The following RPS6KC1 variants were observed in gnomAD, a reference collection of about 807,000 sequenced individuals.
RPS6KC1 encodes inactive ribosomal protein S6 kinase delta-1.
A neutral mutation model predicts 103.8 loss-of-function variants in RPS6KC1; 54 were observed. That is an observed-to-expected ratio of 0.52 (90% CI 0.42 to 0.65). RPS6KC1 has a LOEUF of 0.65. Ranked by LOEUF, RPS6KC1 falls within the 30% of genes least tolerant of loss-of-function variation. RPS6KC1 has a pLI of 0.00. For missense variants in RPS6KC1, 1,151 were observed against 1,253.8 expected (o/e 0.92, Z 1.24); for synonymous variants, 439 against 438.7 (o/e 1.00, Z -0.01).
intron 3 of RPS6KC1, among the ~76,000 whole-genome samples, chr1:213,093,494 G>A (rs2081176239): frequency 6.6e-6 from 1 of 152,152 alleles, no homozygotes; most frequent in African/African-American, 2.4e-5. Flanking sequence ...ACAAGTGTGA[G>A]CCACTGCACC....
chr1:213,661,617 C>G, the RPS6KC1 span, among the ~76,000 whole-genome samples: 1 of 152,150 alleles, frequency 6.6e-6, no homozygotes, highest in Non-Finnish European at 1.5e-5. Context: ...CACACGATAA[C>G]TCAAGTACAT....
the RPS6KC1 span, among the ~76,000 whole-genome samples, chr1:213,780,272 C>T: frequency 4.6e-5 from 7 of 152,282 alleles, no homozygotes; most frequent in South Asian, 1.2e-3. Context: ...CACAAGTTCA[C>T]GGGTGAACAA....
the RPS6KC1 span, among the ~76,000 whole-genome samples, chr1:213,288,599 C>T: frequency 6.6e-6 from 1 of 152,176 alleles, no homozygotes; most frequent in Non-Finnish European, 1.5e-5. Context: ...TCAGAGAAAG[C>T]CATAAAGTAA....
At chr1:213,756,418 AC>A in the RPS6KC1 span, among the ~76,000 whole-genome samples, 1 of 152,078 alleles carries the variant, frequency 6.6e-6, no homozygotes, top group Non-Finnish European at 1.5e-5. Context: ...GTACAGGCAT[AC>A]CTTGTTTTAT....
chr1:213,834,066 C>T, the RPS6KC1 span, among the ~76,000 whole-genome samples: 1 of 152,080 alleles, frequency 6.6e-6, no homozygotes, highest in South Asian at 2.1e-4. Context: ...AATGAGGTCT[C>T]ATTCTATTAT....
chr1:213,434,319 T>A, the RPS6KC1 span, among the ~76,000 whole-genome samples: 1 of 152,174 alleles, frequency 6.6e-6, no homozygotes, highest in Non-Finnish European at 1.5e-5. Context: ...AAAGATATTC[T>A]TGTTGGGTAT....
the RPS6KC1 span, among the ~76,000 whole-genome samples, chr1:213,409,725 T>C: frequency 1.3e-5 from 2 of 152,224 alleles, no homozygotes; most frequent in Admixed American, 1.3e-4. Context: ...GTTTAGTGCA[T>C]GCTCTGTGTA....
the RPS6KC1 span, among the ~76,000 whole-genome samples, chr1:213,435,458 A>G: frequency 6.6e-6 from 1 of 152,196 alleles, no homozygotes; most frequent in African/African-American, 2.4e-5. Context: ...AGATATTTTT[A>G]TATTCCTGTA....
intron 3 of RPS6KC1, among the ~76,000 whole-genome samples, chr1:213,102,610 C>T (rs2082113686): frequency 6.6e-6 from 1 of 152,050 alleles, no homozygotes; most frequent in South Asian, 2.1e-4. Context: ...GTCATGTACC[C>T]ATTTGAATAA....
chr1:213,628,809 C>T, the RPS6KC1 span, among the ~76,000 whole-genome samples: 364 of 152,212 alleles, frequency 2.4e-3, 2 homozygotes, highest in African/African-American at 8.3e-3. Flanking sequence ...TTTCAAAGAA[C>T]GTCTTTATAT....
At chr1:213,432,983 A>G in the RPS6KC1 span, among the ~76,000 whole-genome samples, 5 of 152,234 alleles carry the variant, frequency 3.3e-5, no homozygotes, top group African/African-American at 1.2e-4. Flanking sequence ...ACAAATTATC[A>G]CAAATCTAGT....
chr1:213,505,859 C>T, the RPS6KC1 span, among the ~76,000 whole-genome samples: 1 of 152,048 alleles, frequency 6.6e-6, no homozygotes, highest in Non-Finnish European at 1.5e-5. Flanking sequence ...TTCATGGCTT[C>T]TCTCTTTATG....
the RPS6KC1 span, among the ~76,000 whole-genome samples, chr1:213,387,433 G>A: frequency 9.9e-5 from 15 of 152,152 alleles, no homozygotes; most frequent in African/African-American, 3.6e-4. Flanking sequence ...ACCTGTGCAG[G>A]CTTCCTGGGG....
At chr1:213,496,763 A>C in the RPS6KC1 span, among the ~76,000 whole-genome samples, 1 of 151,990 alleles carries the variant, frequency 6.6e-6, no homozygotes, top group Admixed American at 6.6e-5. Context: ...GTCTCGGGGG[A>C]AAAAAAGAAA....
chr1:213,379,609 A>G, the RPS6KC1 span, among the ~76,000 whole-genome samples: 1 of 152,174 alleles, frequency 6.6e-6, no homozygotes, highest in East Asian at 1.9e-4. Flanking sequence ...AGTTTGTGGT[A>G]CTTTGTTATG....
intron 6 of RPS6KC1, among the ~76,000 whole-genome samples, chr1:213,158,685 T>G (rs1317339562): frequency 6.6e-6 from 1 of 152,214 alleles, no homozygotes; most frequent in Non-Finnish European, 1.5e-5. Flanking sequence ...TTTAAACTTT[T>G]TTTGAAAACA....
At chr1:213,099,357 C>T (rs2081796777) in intron 3 of RPS6KC1, among the ~76,000 whole-genome samples, 1 of 152,070 alleles carries the variant, frequency 6.6e-6, no homozygotes, top group African/African-American at 2.4e-5. Context: ...AAGATGTGGA[C>T]AGTGACATTT....
intron 8 of RPS6KC1, among the ~76,000 whole-genome samples, chr1:213,180,833 G>T (rs191516107): frequency 2.6e-5 from 4 of 152,122 alleles, no homozygotes; most frequent in Admixed American, 2.6e-4. Flanking sequence ...ATTTGTAATT[G>T]GGTTAGAAGA....
At chr1:213,151,258 G>C (rs2088815714) in intron 6 of RPS6KC1, among the ~76,000 whole-genome samples, 3 of 119,952 alleles carry the variant, frequency 2.5e-5, no homozygotes, top group African/African-American at 3.3e-5. Context: ...GCGGCTGGCC[G>C]GGCAGAGGGG....
Sources: gnomAD v4.1 joint callset for allele counts (sites outside exome capture counted in the v4.1 genomes callset) on GRCh38, gnomAD v4.1.1 for gene constraint, MANE v1.5 for transcripts, NCBI Gene and HGNC (gene_info 2026-07-23, HGNC 2026-07-21) for gene names.